ADAD2: variants seen among roughly 807,000 people sequenced by gnomAD.
ADAD2 encodes adenosine deaminase domain containing 2.
Under a neutral mutation model 54.5 loss-of-function variants are expected in ADAD2, and 60 were observed. The observed-to-expected ratio is 1.10, with a 90% CI of 0.89 to 1.36. The LOEUF is 1.36. Among genes scored for constraint, ADAD2 ranks in the 40% most tolerant of loss-of-function variants. The pLI is 0.00. For missense variants in ADAD2, 1,103 were observed against 801.3 expected (o/e 1.38, Z -4.54); for synonymous variants, 543 against 366.2 (o/e 1.48, Z -5.51).
intron 8 of ADAD2, 116 bp from the exon 9 acceptor site, chr16:84,196,531 C>A: frequency 6.4e-7 from 1 of 1,552,378 alleles, no homozygotes. Context: ...CCTCTGTCTG[C>A]CCTGTGAGTC....
At chr16:84,192,199 C>A (rs1354613695) in intron 1 of ADAD2, among the ~76,000 whole-genome samples, 3 of 152,118 alleles carry the variant, frequency 2.0e-5, no homozygotes, top group African/African-American at 7.2e-5. Context: ...GACTGGAATG[C>A]GGTGGAACAA....
chr16:84,195,209 A>AGCCCTG lies in ADAD2; in HGVS notation c.733+26_733+31dup, dbSNP rs772904633. The stretch of plus-strand genomic sequence containing the variant: ...CCTGGAGAGGGGTAGGGATCGCCCC[A>AGCCCTG]GCCCTGGCCCTGGCCCCGGCCCCCT... On this transcript the variant is annotated intron_variant, in intron 4 of 9. Coordinates refer to ENST00000315906, the MANE Select transcript of ADAD2 (RefSeq NM_001145400.2). The AGCCCTG allele has an allele frequency of 3.6e-5, 58 of 1,611,320 alleles. No homozygotes were observed. The highest frequency in any genetic ancestry group is 2.0e-4 in the African/African-American group (15 of 75,018).
Position 84,195,299 on chromosome 16 carries a change from T to C in ADAD2, c.737T>C (p.Ile246Thr). ...GTCTCTGCCCCCTCCTGCACAGAGATCCCGCGTGCCAGGGGCCACGTGAAG... is the reference window on the plus strand; with the variant it reads ...GTCTCTGCCCCCTCCTGCACAGAGACCCCGCGTGCCAGGGGCCACGTGAAG... ...TVAGVILERE[I>T]PRARGHVKEI... The change falls in exon 5 of 10, where the codon ATC becomes ACC. Residue 246 changes from isoleucine to threonine, a missense_variant. Physicochemically the swap from Ile to Thr is moderately conservative, Grantham distance 89. Transcript: ENST00000315906. 6.2e-7 allele frequency: 1 copy of C among 1,611,726 alleles called. No individual in the cohort carries two copies. The highest frequency in any genetic ancestry group is 8.5e-7 in the Non-Finnish European group (1 of 1,179,844).
At position 84,195,644 on chromosome 16, in the gene ADAD2, C is replaced by T; in HGVS notation, c.999C>T (p.Val333=). Residue 333 remains valine, a synonymous_variant, in exon 6 of 10, where the codon GTC becomes GTT. Transcript: ENST00000315906. ...CCCCATTCACCCTCAAGCCCCGCGT[C>T]TTCCTGCACCTCTACATCAGCAACA... ...PGPPFTLKPR[V]FLHLYISNTP... The T allele has an allele frequency of 6.2e-7, 1 of 1,600,220 alleles. No homozygotes were observed. The highest frequency in any genetic ancestry group is 8.5e-7 in the Non-Finnish European group (1 of 1,173,986).
chr16:84,193,484 T>C (rs913096274), intron 1 of ADAD2: 3 of 153,418 alleles, frequency 2.0e-5, no homozygotes, highest in African/African-American at 7.2e-5. Context: ...GTCGAGTCTT[T>C]GGCACGCATC....
Position 84,196,250 on chromosome 16 carries a change from G to T in ADAD2, c.1406G>T (p.Gly469Val). 1 of 1,612,394 alleles carries T rather than the reference G, an allele frequency of 6.2e-7. No homozygotes were observed. The highest frequency in any genetic ancestry group is 8.5e-7 in the Non-Finnish European group (1 of 1,179,922). The stretch of plus-strand genomic sequence containing the variant: ...CGGACCGCCCTGCACCTGTTTGCAG[G>T]GCCCCCGGTGGCCCCTTCCGAACCC... ...YVRTALHLFA[G>V]PPVAPSEPTP... Residue 469 changes from glycine to valine, a missense_variant, in exon 8 of 10, where the codon GGG becomes GTG. By Grantham distance (109) the Gly-to-Val change is moderately radical. Transcript: ENST00000315906.
intron 1 of ADAD2, chr16:84,194,239 T>A: frequency 3.9e-6 from 6 of 1,555,424 alleles, no homozygotes; most frequent in Admixed American, 2.0e-5. Context: ...CTTGGTTGAA[T>A]CAGCGATGGG....
intron 8 of ADAD2, 114 bp from the exon 9 acceptor site, chr16:84,196,533 C>T (rs1461950216): frequency 1.9e-6 from 3 of 1,553,062 alleles, no homozygotes; most frequent in South Asian, 1.2e-5. Flanking sequence ...TCTGTCTGCC[C>T]TGTGAGTCCT....
chr16:84,194,354 C>A, intron 1 of ADAD2, 88 bp from the exon 2 acceptor site: 2 of 1,550,056 alleles, frequency 1.3e-6, no homozygotes, highest in East Asian at 4.8e-5. Context: ...TGACCGTCCT[C>A]GATATCAGGT....
intron 1 of ADAD2, 77 bp downstream of exon 1, chr16:84,191,725 G>C: frequency 1.3e-6 from 2 of 1,527,742 alleles, no homozygotes; most frequent in Non-Finnish European, 1.8e-6. Flanking sequence ...GGGGAGCAGG[G>C]GGTCTGGGGA....
At chr16:84,195,751 TG>T in intron 6 of ADAD2, 54 bp downstream of exon 6, 1 of 1,535,268 alleles carries the variant, frequency 6.5e-7, no homozygotes. Flanking sequence ...GTTGGGCTGC[TG>T]GGTGGGGGCC....
Position 84,195,571 on chromosome 16 carries a change from C to T in ADAD2, c.926C>T (p.Pro309Leu), listed in dbSNP as rs778291994. 1.2e-6 allele frequency: 2 copies of T among 1,601,218 alleles called. No individual in the cohort carries two copies. Reference sequence around the variant, plus strand: ...CTCCTGCTGGCCACACAGGGGGGCCCCAAGGGCAAGGAGCAGTCCGTGCTG... The same window carrying T: ...CTCCTGCTGGCCACACAGGGGGGCCTCAAGGGCAAGGAGCAGTCCGTGCTG... ...RQLLLATQGG[P>L]KGKEQSVLAP... Residue 309 changes from proline (P) to leucine (L), a missense_variant, in exon 6 of 10, where the codon CCC becomes CTC. Physicochemically the swap from Pro to Leu is moderately conservative, Grantham distance 98. Coordinates refer to ENST00000315906, the MANE Select transcript of ADAD2 (RefSeq NM_001145400.2).
chr16:84,191,251 C>G lies in ADAD2; in HGVS notation c.21C>G (p.Gly7=), dbSNP rs1230476787. The part of the protein sequence containing the change: MASASQ[G]ADDDGSRRKP... The stretch of plus-strand genomic sequence containing the variant: ...CGGCCATGGCTTCGGCTTCTCAGGG[C>G]GCTGACGACGACGGCAGTCGTAGGA... The change falls in exon 1 of 10, where the codon GGC becomes GGG. Residue 7 remains glycine, a synonymous_variant. Coordinates refer to ENST00000315906, the MANE Select transcript of ADAD2 (RefSeq NM_001145400.2). 3 of 1,607,638 alleles carry G rather than the reference C, an allele frequency of 1.9e-6. No homozygotes were observed. The highest frequency in any genetic ancestry group is 1.7e-6 in the Non-Finnish European group (2 of 1,177,268).
In ADAD2 at chr16:84,197,131, G is replaced by A; in HGVS notation, c.*157G>A. The A allele has an allele frequency of 1.5e-6, 1 of 687,938 alleles. No homozygotes were observed. The highest frequency in any genetic ancestry group is 1.8e-5 in the African/African-American group (1 of 55,234). The allele number at this position is 687,938 out of a possible 1,614,324, so 42.6% of individuals were successfully genotyped here. ...CTGCTGTGGTTGGGAGGCGGCTGCT[G>A]CACGTTTGGGCTTGAATAAAGAAGT... On this transcript the variant is annotated 3_prime_UTR_variant, in exon 10 of 10. Coordinates refer to ENST00000315906, the MANE Select transcript of ADAD2 (RefSeq NM_001145400.2).
At chr16:84,194,650 T>TG (rs2089702293) in intron 2 of ADAD2, 68 bp downstream of exon 2, 1 of 1,554,912 alleles carries the variant, frequency 6.4e-7, no homozygotes, top group East Asian at 2.4e-5. Context: ...GGCAGTCCCG[T>TG]GGGGAGGCGG....
Position 84,194,928 on chromosome 16 carries a change from T to G in ADAD2, c.560-5T>G, listed in dbSNP as rs1348554317. Reference sequence around the variant, plus strand: ...ACACCAGCCCGCCCTCCTTGCCTCTTTCAGAGTCCCCCCAGACCTCCAGCC... The same window carrying G: ...ACACCAGCCCGCCCTCCTTGCCTCTGTCAGAGTCCCCCCAGACCTCCAGCC... On this transcript the variant is annotated splice_polypyrimidine_tract_variant and splice_region_variant and intron_variant, in intron 2 of 9. Coordinates refer to ENST00000315906, the MANE Select transcript of ADAD2 (RefSeq NM_001145400.2). 1 of 1,605,234 alleles carries G rather than the reference T, an allele frequency of 6.2e-7. No homozygotes were observed. Among genetic ancestry groups the G allele is most frequent in the Admixed American group, 1.7e-5 (1 of 58,780 alleles).
rs537250511 is a variant in ADAD2 at position 84,194,496 on chromosome 16, C to A, written c.473C>A (p.Ala158Glu). 3.7e-6 allele frequency: 6 copies of A among 1,611,872 alleles called. No homozygotes were observed. Among genetic ancestry groups the A allele is most frequent in the Non-Finnish European group, 5.1e-6 (6 of 1,179,708 alleles). The stretch of plus-strand genomic sequence containing the variant: ...GAACTGGATGGGGTGGTCTGCCCTG[C>A]GGGCACTGCGAATAGCAAGACGGAG... ...SAELDGVVCP[A>E]GTANSKTEAK... is the part of the protein sequence containing the mutation. Residue 158 changes from alanine to glutamate, a missense_variant, in exon 2 of 10, where the codon GCG becomes GAG. Transcript: ENST00000315906.
In ADAD2 at chr16:84,191,248, G is replaced by A; in HGVS notation, c.18G>A (p.Gln6=). The A allele has an allele frequency of 6.2e-7, 1 of 1,608,078 alleles. No homozygotes were observed. The highest frequency in any genetic ancestry group is 8.5e-7 in the Non-Finnish European group (1 of 1,177,358). The change falls in exon 1 of 10, where the codon CAG becomes CAA. Residue 6 remains glutamine, a synonymous_variant. Transcript: ENST00000315906. ...TGGCGGCCATGGCTTCGGCTTCTCA[G>A]GGCGCTGACGACGACGGCAGTCGTA... The part of the protein sequence containing the change: MASAS[Q]GADDDGSRRK...
In ADAD2 at chr16:84,191,497, A is replaced by G; in HGVS notation, c.267A>G (p.Glu89=). Residue 89 remains glutamate, a synonymous_variant, in exon 1 of 10, where the codon GAA becomes GAG. Coordinates refer to ENST00000315906, the MANE Select transcript of ADAD2 (RefSeq NM_001145400.2). ...GAARAWENLG[E]QMGKAPRVPV... ...CCCGGGCGTGGGAAAACTTGGGGGA[A>G]CAGATGGGGAAGGCCCCGAGGGTCC... 2 of 1,541,712 alleles carry G rather than the reference A, an allele frequency of 1.3e-6. No individual in the cohort carries two copies. Among genetic ancestry groups the G allele is most frequent in the East Asian group, 2.4e-5 (1 of 40,876 alleles).
Sources: gnomAD v4.1 joint callset for allele counts (sites outside exome capture counted in the v4.1 genomes callset) on GRCh38, gnomAD v4.1.1 for gene constraint, MANE v1.5 for transcripts, NCBI Gene and HGNC (gene_info 2026-07-23, HGNC 2026-07-21) for gene names.